C1QTNF7: variants seen among roughly 807,000 people sequenced by gnomAD.
C1QTNF7 encodes complement C1q tumor necrosis factor-related protein 7.
In C1QTNF7, 15 loss-of-function variants were observed where a neutral mutation model predicts 19.6. That is an observed-to-expected ratio of 0.76 (90% CI 0.51 to 1.18). The LOEUF is 1.18. C1QTNF7 is among the 50% of genes most tolerant of loss of function. The pLI is 0.00. For synonymous variants in C1QTNF7, 142 were observed against 137.5 expected (o/e 1.03, Z -0.23); for missense variants, 324 against 359.7 (o/e 0.90, Z 0.80).
At position 15,375,761 on chromosome 4, in the gene C1QTNF7, A is replaced by G. The variant is rs566777837; in HGVS notation, c.13+35554A>G. On this transcript the variant is annotated intron_variant, in intron 1 of 2. Transcript: ENST00000295297. The stretch of plus-strand genomic sequence containing the variant: ...TGATTCATGATTTCAATAAGACCCC[A>G]CACCCTCAGCCTGGGTTGTGTTCCC... Among the ~76,000 whole-genome samples, 3 of 152,248 alleles carry G rather than the reference A, an allele frequency of 2.0e-5. No homozygotes were observed. In the South Asian group the frequency reaches 6.2e-4, roughly 32 times the overall value.
intron 1 of C1QTNF7, among the ~76,000 whole-genome samples, chr4:15,383,744 T>C (rs1469627242): frequency 1.3e-5 from 2 of 152,186 alleles, no homozygotes; most frequent in Non-Finnish European, 2.9e-5. Context: ...TGTAGTATCT[T>C]TGGAAAGGGC....
At chr4:15,355,792 G>C (rs1717123754) in intron 1 of C1QTNF7, among the ~76,000 whole-genome samples, 1 of 152,124 alleles carries the variant, frequency 6.6e-6, no homozygotes, top group Non-Finnish European at 1.5e-5. Flanking sequence ...TGGAGCAGCA[G>C]CTTTAACAAA....
At chr4:15,351,971 A>G (rs1376061498) in intron 1 of C1QTNF7, among the ~76,000 whole-genome samples, 1 of 152,200 alleles carries the variant, frequency 6.6e-6, no homozygotes, top group Non-Finnish European at 1.5e-5. Flanking sequence ...TAGCAAAGGC[A>G]GTATAATTTA....
At chr4:15,418,748 T>C (rs13150862) in intron 1 of C1QTNF7, among the ~76,000 whole-genome samples, 40,260 of 152,160 alleles carry the variant, frequency 0.26, 6,319 homozygotes, top group Middle Eastern at 0.37. Context: ...GGCAAGTTAT[T>C]TACCTCTTCT....
At chr4:15,340,317 C>A in intron 1 of C1QTNF7, 2 of 1,320,232 alleles carry the variant, frequency 1.5e-6, no homozygotes, top group Non-Finnish European at 2.1e-6. Context: ...AATGGGGGAA[C>A]TTGTAAAAAT....
chr4:15,367,756 G>C (rs1050214706), intron 1 of C1QTNF7, among the ~76,000 whole-genome samples: 1 of 152,056 alleles, frequency 6.6e-6, no homozygotes, highest in Non-Finnish European at 1.5e-5. Flanking sequence ...TTAAGATAAT[G>C]TCCAGAAGAA....
chr4:15,384,325 T>C (rs1718254465), intron 1 of C1QTNF7, among the ~76,000 whole-genome samples: 1 of 152,214 alleles, frequency 6.6e-6, no homozygotes, highest in Non-Finnish European at 1.5e-5. Context: ...ATAGCAATTG[T>C]TTATTTACAA....
At chr4:15,397,279 A>T (rs952185389) in intron 1 of C1QTNF7, among the ~76,000 whole-genome samples, 1 of 152,218 alleles carries the variant, frequency 6.6e-6, no homozygotes, top group African/African-American at 2.4e-5. Context: ...AAGTGAGCTC[A>T]GAGGTGGATT....
intron 1 of C1QTNF7, among the ~76,000 whole-genome samples, chr4:15,403,218 G>C (rs912065313): frequency 1.3e-5 from 2 of 152,130 alleles, no homozygotes; most frequent in African/African-American, 4.8e-5. Context: ...CCCTCTTGGA[G>C]TCAGCAATCA....
chr4:15,364,954 G>C (rs1031264822), intron 1 of C1QTNF7, among the ~76,000 whole-genome samples: 18 of 152,276 alleles, frequency 1.2e-4, no homozygotes, highest in African/African-American at 4.3e-4. Context: ...TTGATTGTCA[G>C]TGAAAACCAA....
intron 1 of C1QTNF7, among the ~76,000 whole-genome samples, chr4:15,412,520 TC>T (rs1374022197): frequency 6.6e-6 from 1 of 152,098 alleles, no homozygotes; most frequent in African/African-American, 2.4e-5. Context: ...TCTCTATAAT[TC>T]TAAACTTCTG....
intron 1 of C1QTNF7, among the ~76,000 whole-genome samples, chr4:15,401,087 A>T (rs1718976338): frequency 6.6e-6 from 1 of 152,240 alleles, no homozygotes; most frequent in African/African-American, 2.4e-5. Flanking sequence ...GCTGCATACC[A>T]CACATAGAAG....
upstream of C1QTNF7, among the ~76,000 whole-genome samples, chr4:15,424,114 T>TCTGGTAAC (rs1020527267): frequency 2.6e-5 from 4 of 152,214 alleles, no homozygotes; most frequent in African/African-American, 7.2e-5. Flanking sequence ...TTCTTGGCTT[T>TCTGGTAAC]CTGGTAACTT....
At position 15,422,210 on chromosome 4, in the gene C1QTNF7, T is replaced by TAAAA. The variant is rs199592000; in HGVS notation, c.14-13515_14-13512dup. Among the ~76,000 whole-genome samples, 506 of 142,848 alleles carry TAAAA rather than the reference T, an allele frequency of 3.5e-3. 6 individuals are homozygous for TAAAA. Among genetic ancestry groups the TAAAA allele is most frequent in the South Asian group, 0.011 (49 of 4,566 alleles). 93.7% of individuals were successfully genotyped at this position (142,848 alleles called of 152,430 possible). ...ATAATCTAATAAACCTGTTTTTTTT[T>TAAAA]AAAAAAAAAAAAAAGGATATTGCAC... On this transcript the variant is annotated intron_variant, in intron 1 of 2. Coordinates refer to the C1QTNF7 transcript ENST00000295297.
intron 1 of C1QTNF7, among the ~76,000 whole-genome samples, chr4:15,355,939 C>T (rs369224116): frequency 2.6e-5 from 4 of 152,190 alleles, no homozygotes; most frequent in African/African-American, 9.6e-5. Context: ...CTCACTGCAG[C>T]CTCTAACTCC....
chr4:15,379,686 C>T (rs1035215086), intron 1 of C1QTNF7, among the ~76,000 whole-genome samples: 5 of 152,116 alleles, frequency 3.3e-5, no homozygotes, highest in South Asian at 2.1e-4. Flanking sequence ...GAATTTACTA[C>T]GAGTTTTTAA....
chr4:15,395,860 A>C (rs973478020), intron 1 of C1QTNF7, among the ~76,000 whole-genome samples: 2 of 152,212 alleles, frequency 1.3e-5, no homozygotes, highest in Admixed American at 1.3e-4. Context: ...CCCTATGGTC[A>C]TCTGGCCAGT....
At chr4:15,370,701 G>C (rs4076789) in intron 1 of C1QTNF7, among the ~76,000 whole-genome samples, 3 of 152,040 alleles carry the variant, frequency 2.0e-5, no homozygotes, top group Non-Finnish European at 4.4e-5. Context: ...TTTATAAATA[G>C]TTCCATTTCC....
chr4:15,361,784 C>T (rs1354274767), intron 1 of C1QTNF7, among the ~76,000 whole-genome samples: 1 of 152,128 alleles, frequency 6.6e-6, no homozygotes, highest in Non-Finnish European at 1.5e-5. Flanking sequence ...TCATATTAGA[C>T]TAAGGAGAGG....
Sources: gnomAD v4.1 joint callset for allele counts (sites outside exome capture counted in the v4.1 genomes callset) on GRCh38, gnomAD v4.1.1 for gene constraint, MANE v1.5 for transcripts, NCBI Gene and HGNC (gene_info 2026-07-23, HGNC 2026-07-21) for gene names.